Variants in EXOC4 observed in about 807,000 individuals in gnomAD.
EXOC4 encodes the protein exocyst complex component 4, also known as SEC8-like 1.
In EXOC4, 71 loss-of-function variants were observed where a neutral mutation model predicts 107.2. That is an observed-to-expected ratio of 0.66 (90% CI 0.55 to 0.81). The LOEUF (loss-of-function observed/expected upper bound fraction) is 0.81. Ranked by LOEUF, EXOC4 falls within the 30% of genes least tolerant of loss-of-function variation. The probability of loss-of-function intolerance (pLI) is 0.00; values close to 1 mark genes in which losing one functional copy is unlikely to be tolerated. For synonymous variants in EXOC4, 456 were observed against 441.2 expected (o/e 1.03, Z -0.42); for missense variants, 1,108 against 1,189.6 (o/e 0.93, Z 1.01).
intron 10 of EXOC4, among the ~76,000 whole-genome samples, chr7:133,684,676 T>TA (rs1237976531): frequency 2.0e-5 from 3 of 152,182 alleles, no homozygotes; most frequent in Non-Finnish European, 4.4e-5. Flanking sequence ...AACTTCTTTT[T>TA]AAAAAAGTAT....
chr7:133,260,564 G>A (rs567027487), intron 1 of EXOC4, among the ~76,000 whole-genome samples: 1 of 152,158 alleles, frequency 6.6e-6, no homozygotes, highest in Non-Finnish European at 1.5e-5. Flanking sequence ...GTGAGGCACC[G>A]CGCCTGGCCC....
At chr7:133,820,154 ATTTTTTTTT>A (rs35640945) in intron 11 of EXOC4, among the ~76,000 whole-genome samples, 16 of 70,290 alleles carry the variant, frequency 2.3e-4, no homozygotes, top group African/African-American at 3.3e-4. Context: ...CACCTGCTTC[ATTTTTTTTT>A]TTTTTTTTTT....
intron 12 of EXOC4, among the ~76,000 whole-genome samples, chr7:133,904,334 G>A (rs886227251): frequency 3.9e-5 from 6 of 152,126 alleles, no homozygotes; most frequent in Non-Finnish European, 7.3e-5. Flanking sequence ...TGGTTTAGGC[G>A]GGAACATGGA....
At chr7:133,591,818 A>T (rs578054775) in intron 9 of EXOC4, among the ~76,000 whole-genome samples, 1 of 152,182 alleles carries the variant, frequency 6.6e-6, no homozygotes, top group African/African-American at 2.4e-5. Context: ...TGGGGAATCA[A>T]TTAAAAACAC....
At chr7:133,691,263 G>A (rs764443587) in intron 10 of EXOC4, among the ~76,000 whole-genome samples, 1 of 152,182 alleles carries the variant, frequency 6.6e-6, no homozygotes, top group Non-Finnish European at 1.5e-5. Flanking sequence ...TTAGTGGTTG[G>A]AGATGGACTG....
intron 14 of EXOC4, among the ~76,000 whole-genome samples, chr7:133,973,511 A>C (rs988512608): frequency 1.3e-5 from 2 of 152,228 alleles, no homozygotes; most frequent in East Asian, 3.8e-4. Flanking sequence ...GTAGGGCTAC[A>C]TTGCAGGGCT....
chr7:133,541,056 C>T (rs1273760750), intron 9 of EXOC4, among the ~76,000 whole-genome samples: 1 of 152,122 alleles, frequency 6.6e-6, no homozygotes, highest in African/African-American at 2.4e-5. Flanking sequence ...TTTATGTCTA[C>T]ATGAAATAAT....
the EXOC4 span, among the ~76,000 whole-genome samples, chr7:134,079,537 C>G: frequency 6.6e-6 from 1 of 152,136 alleles, no homozygotes; most frequent in Non-Finnish European, 1.5e-5. Flanking sequence ...AGTACTATTC[C>G]TGTTTAGATG....
At chr7:133,679,783 G>C (rs975604101) in intron 10 of EXOC4, among the ~76,000 whole-genome samples, 1 of 152,198 alleles carries the variant, frequency 6.6e-6, no homozygotes, top group African/African-American at 2.4e-5. Context: ...GCAGAACACT[G>C]TAGAATGTTA....
intron 17 of EXOC4, among the ~76,000 whole-genome samples, chr7:134,058,254 T>C (rs1433454906): frequency 3.3e-5 from 5 of 152,188 alleles, no homozygotes; most frequent in Non-Finnish European, 5.9e-5. Context: ...TTTCTCCCTC[T>C]CAAATTTGTA....
At chr7:133,296,535 G>C (rs1794522861) in intron 3 of EXOC4, among the ~76,000 whole-genome samples, 1 of 152,018 alleles carries the variant, frequency 6.6e-6, no homozygotes, top group Non-Finnish European at 1.5e-5. Context: ...GTAGGTTTGT[G>C]ACAGTTTTAT....
intron 7 of EXOC4, among the ~76,000 whole-genome samples, chr7:133,413,590 C>T (rs893753160): frequency 6.6e-6 from 1 of 152,146 alleles, no homozygotes; most frequent in African/African-American, 2.4e-5. Flanking sequence ...GTGCAAGTGA[C>T]TCAATTTTTA....
At chr7:133,838,500 A>G (rs1475232731) in intron 11 of EXOC4, among the ~76,000 whole-genome samples, 1 of 152,146 alleles carries the variant, frequency 6.6e-6, no homozygotes, top group Non-Finnish European at 1.5e-5. Context: ...GAGTCTAGTA[A>G]TAATCTCACC....
chr7:133,987,060 A>G (rs1794131218), intron 14 of EXOC4, among the ~76,000 whole-genome samples: 1 of 152,302 alleles, frequency 6.6e-6, no homozygotes, highest in East Asian at 1.9e-4. Context: ...CCAGGCAACA[A>G]CATCAAAGGA....
At chr7:133,927,579 A>G (rs994498188) in intron 13 of EXOC4, among the ~76,000 whole-genome samples, 2 of 152,240 alleles carry the variant, frequency 1.3e-5, no homozygotes, top group African/African-American at 4.8e-5. Flanking sequence ...TATCTTGAAC[A>G]AAGTGTTCAT....
intron 5 of EXOC4, among the ~76,000 whole-genome samples, chr7:133,330,875 C>A (rs1795368070): frequency 2.6e-5 from 4 of 151,834 alleles, no homozygotes; most frequent in Admixed American, 2.0e-4. Context: ...CTGGGAGCTG[C>A]AAACCGGAGC....
At chr7:133,803,628 C>T (rs906980227) in intron 10 of EXOC4, among the ~76,000 whole-genome samples, 1 of 152,138 alleles carries the variant, frequency 6.6e-6, no homozygotes, top group African/African-American at 2.4e-5. Flanking sequence ...ATTTTAATGT[C>T]TATACAACTG....
chr7:133,769,131 A>G (rs1039717981), intron 10 of EXOC4, among the ~76,000 whole-genome samples: 36 of 152,004 alleles, frequency 2.4e-4, no homozygotes, highest in African/African-American at 4.8e-5. Flanking sequence ...GTGCAAATGC[A>G]GGTAAAGAGG....
intron 9 of EXOC4, 163 bp downstream of exon 9, chr7:133,480,301 C>T: frequency 6.9e-7 from 1 of 1,455,442 alleles, no homozygotes; most frequent in Non-Finnish European, 9.1e-7. Context: ...TGCTGCCAAG[C>T]AGGTAAAACT....
Sources: gnomAD v4.1 joint callset for allele counts (sites outside exome capture counted in the v4.1 genomes callset) on GRCh38, gnomAD v4.1.1 for gene constraint, MANE v1.5 for transcripts, NCBI Gene and HGNC (gene_info 2026-07-23, HGNC 2026-07-21) for gene names.